CFAP70: variants seen among roughly 807,000 people sequenced by gnomAD.
The protein encoded by CFAP70 is cilia- and flagella-associated protein 70.
In CFAP70, 81 loss-of-function variants were observed where a neutral mutation model predicts 137.6. The observed-to-expected ratio is 0.59, with a 90% CI of 0.49 to 0.71. CFAP70 has a LOEUF of 0.71. Ranked by LOEUF, CFAP70 falls within the 30% of genes least tolerant of loss-of-function variation. The probability of loss-of-function intolerance (pLI) is 0.00; values close to 1 mark genes in which losing one functional copy is unlikely to be tolerated. For synonymous variants in CFAP70, 382 were observed against 423.6 expected (o/e 0.90, Z 1.20); for missense variants, 976 against 1,226.7 (o/e 0.80, Z 3.05).
intron 19 of CFAP70, among the ~76,000 whole-genome samples, chr10:73,287,116 G>T (rs1347697644): frequency 6.6e-6 from 1 of 152,142 alleles, no homozygotes; most frequent in African/African-American, 2.4e-5. Flanking sequence ...GCCAGTTTAT[G>T]GCCAGATTTG....
chr10:73,287,372 C>T (rs968832095), intron 19 of CFAP70, among the ~76,000 whole-genome samples: 4 of 152,092 alleles, frequency 2.6e-5, no homozygotes, highest in African/African-American at 9.7e-5. Flanking sequence ...TATAATATCA[C>T]GGGACCACTG....
exon 6 of CFAP70, chr10:73,341,513 C>A (rs754275717): frequency 6.2e-7 from 1 of 1,614,024 alleles, no homozygotes; most frequent in Non-Finnish European, 8.5e-7. Context: ...ACTTTTTGGG[C>A]CGGGGAACAG....
chr10:73,293,975 G>A (rs2048357845), intron 15 of CFAP70: 1 of 152,062 alleles, frequency 6.6e-6, no homozygotes, highest in Non-Finnish European at 1.5e-5. Context: ...GTGTAATTAG[G>A]AATCTCCTGA....
chr10:73,321,198 T>G (rs1191219233), intron 9 of CFAP70, among the ~76,000 whole-genome samples: 1 of 151,988 alleles, frequency 6.6e-6, no homozygotes, highest in African/African-American at 2.4e-5. Context: ...GGGTGGATCA[T>G]CTGAGGTCAG....
At chr10:73,284,330 AC>A (rs1221620440) in intron 19 of CFAP70, among the ~76,000 whole-genome samples, 1 of 151,630 alleles carries the variant, frequency 6.6e-6, no homozygotes, top group East Asian at 1.9e-4. Flanking sequence ...TCATATAAGG[AC>A]CCTTGTGGTT....
chr10:73,261,775 G>A (rs1185114138), intron 25 of CFAP70, among the ~76,000 whole-genome samples: 1 of 151,952 alleles, frequency 6.6e-6, no homozygotes, highest in Non-Finnish European at 1.5e-5. Context: ...CCAAAGTGCT[G>A]AGATTACAGG....
chr10:73,330,788 T>C (rs2051993359), intron 8 of CFAP70, among the ~76,000 whole-genome samples: 1 of 152,214 alleles, frequency 6.6e-6, no homozygotes, highest in Admixed American at 6.5e-5. Context: ...AGCTATACCT[T>C]TTAAAAACAG....
At chr10:73,284,741 T>G in intron 19 of CFAP70, among the ~76,000 whole-genome samples, 1 of 652 alleles carries the variant, frequency 1.5e-3, no homozygotes, top group Non-Finnish European at 4.0e-3. Context: ...ACCTGCCACA[T>G]ATATATATAT....
chr10:73,314,473 A>G (rs1222906050), intron 9 of CFAP70, among the ~76,000 whole-genome samples: 2 of 152,228 alleles, frequency 1.3e-5, no homozygotes, highest in Non-Finnish European at 2.9e-5. Context: ...ATGTTCTATA[A>G]TAAGAGTATT....
chr10:73,292,084 A>T, intron 16 of CFAP70, 70 bp from the exon 18 acceptor site: 1 of 1,554,406 alleles, frequency 6.4e-7, no homozygotes, highest in Non-Finnish European at 8.8e-7. Flanking sequence ...ATCACATGGT[A>T]AACACTGTAA....
exon 7 of CFAP70, chr10:73,335,492 T>C: frequency 6.2e-7 from 1 of 1,612,258 alleles, no homozygotes; most frequent in Non-Finnish European, 8.5e-7. Context: ...TCCTTTTCTT[T>C]ATGCACTCTG....
chr10:73,279,331 T>C (rs1417931282), intron 19 of CFAP70, among the ~76,000 whole-genome samples: 1 of 151,616 alleles, frequency 6.6e-6, no homozygotes, highest in Non-Finnish European at 1.5e-5. Context: ...AAGACCATTC[T>C]AGCTAACACG....
chr10:73,336,105 T>C lies in CFAP70; in HGVS notation c.583-581A>G, dbSNP rs186617085. On this transcript the variant is annotated intron_variant, in intron 6 of 26. Transcript: ENST00000310715. ...ACAATGAGCCTCAATAATCGCACCA[T>C]TGCATTCCAGCCTGGGTGACAGAGA... Among the ~76,000 whole-genome samples the C allele has an allele frequency of 7.7e-3, 1,164 of 151,398 alleles. 8 individuals are homozygous for C. Among genetic ancestry groups the C allele is most frequent in the South Asian group, 0.046 (221 of 4,782 alleles).
chr10:73,274,406 G>T (rs756322034), intron 23 of CFAP70, 27 bp downstream of exon 24: 1 of 1,592,312 alleles, frequency 6.3e-7, no homozygotes, highest in South Asian at 1.1e-5. Context: ...CAGACCACGG[G>T]GTTATTCCCC....
exon 7 of CFAP70, chr10:73,335,444 A>C: frequency 6.2e-7 from 1 of 1,610,188 alleles, no homozygotes; most frequent in South Asian, 1.1e-5. Flanking sequence ...CCACTGCAGA[A>C]GGATCAAGGT....
intron 19 of CFAP70, among the ~76,000 whole-genome samples, chr10:73,285,313 C>T (rs545544770): frequency 1.3e-5 from 2 of 152,046 alleles, no homozygotes; most frequent in South Asian, 2.1e-4. Flanking sequence ...ATTCTTATTT[C>T]GAAAATCTCA....
intron 19 of CFAP70, among the ~76,000 whole-genome samples, chr10:73,283,022 AG>A (rs2047380438): frequency 1.3e-5 from 2 of 150,746 alleles, no homozygotes; most frequent in South Asian, 2.1e-4. Context: ...TAGTAGAGAC[AG>A]GGTTTCCCCA....
intron 22 of CFAP70, 78 bp from the exon 24 acceptor site, chr10:73,274,672 A>G (rs1801097987): frequency 3.1e-6 from 4 of 1,278,020 alleles, no homozygotes; most frequent in Non-Finnish European, 3.2e-6. Context: ...TTTAACATTT[A>G]AATTTAGATA....
intron 26 of CFAP70, among the ~76,000 whole-genome samples, chr10:73,255,820 C>A (rs1413887975): frequency 6.6e-6 from 1 of 152,098 alleles, no homozygotes; most frequent in African/African-American, 2.4e-5. Flanking sequence ...GCTGGGATTA[C>A]AGGCGTGAGC....
Sources: allele counts gnomAD v4.1 joint callset (sites outside exome capture counted in the v4.1 genomes callset), GRCh38; gene constraint gnomAD v4.1.1; transcripts MANE v1.5; gene names NCBI Gene and HGNC (gene_info 2026-07-23, HGNC 2026-07-21).